Variants in ARHGAP15 observed in about 807,000 individuals in gnomAD.
ARHGAP15 encodes Rho GTPase activating protein 15, also known as rho GTPase-activating protein 15.
ARHGAP15 carries 51 observed loss-of-function variants against 63.7 expected under a neutral mutation model. The observed-to-expected ratio is 0.80, with a 90% CI of 0.64 to 1.01. The LOEUF (loss-of-function observed/expected upper bound fraction) is 1.01, where lower values mean the gene tolerates loss of function less well. Ranked by LOEUF, ARHGAP15 falls within the 50% of genes least tolerant of loss-of-function variation. The probability of loss-of-function intolerance (pLI) is 0.00; values close to 1 mark genes in which losing one functional copy is unlikely to be tolerated. For missense variants in ARHGAP15, 560 were observed against 564.6 expected (o/e 0.99, Z 0.08); for synonymous variants, 191 against 193.8 (o/e 0.99, Z 0.12).
chr2:143,517,090 A>G (rs1693857652), intron 9 of ARHGAP15, among the ~76,000 whole-genome samples: 1 of 152,114 alleles, frequency 6.6e-6, no homozygotes, highest in Non-Finnish European at 1.5e-5. Flanking sequence ...CTGGGACTAC[A>G]GGCACGCGCC....
At chr2:143,622,667 G>A (rs1202418338) in intron 11 of ARHGAP15, among the ~76,000 whole-genome samples, 5 of 151,612 alleles carry the variant, frequency 3.3e-5, no homozygotes, top group African/African-American at 1.2e-4. Flanking sequence ...GACTGAAAGG[G>A]AAGATTAGCC....
intron 6 of ARHGAP15, among the ~76,000 whole-genome samples, chr2:143,383,345 G>A (rs1352524007): frequency 6.6e-6 from 1 of 152,036 alleles, no homozygotes; most frequent in African/African-American, 2.4e-5. Context: ...ACTTATATAA[G>A]GTTAGCAAGG....
chr2:143,228,734 T>C, intron 5 of ARHGAP15, 66 bp downstream of exon 5: 1 of 1,265,068 alleles, frequency 7.9e-7, no homozygotes, highest in Non-Finnish European at 1.1e-6. Context: ...AAAAGTTTGG[T>C]TTTATCAGAA....
At chr2:143,542,580 A>T (rs1695120462) in intron 10 of ARHGAP15, among the ~76,000 whole-genome samples, 1 of 147,800 alleles carries the variant, frequency 6.8e-6, no homozygotes, top group Admixed American at 6.9e-5. Flanking sequence ...GTGTGTGCAC[A>T]TATATATCAT....
At chr2:143,500,957 A>G (rs1321391235) in intron 9 of ARHGAP15, among the ~76,000 whole-genome samples, 1 of 152,196 alleles carries the variant, frequency 6.6e-6, no homozygotes, top group Non-Finnish European at 1.5e-5. Flanking sequence ...CAAATAAAAC[A>G]TATGTGAGGG....
At chr2:143,747,455 G>C (rs1216610056) in intron 13 of ARHGAP15, among the ~76,000 whole-genome samples, 1 of 152,140 alleles carries the variant, frequency 6.6e-6, no homozygotes, top group Non-Finnish European at 1.5e-5. Flanking sequence ...TGACCAATGT[G>C]TAATGACATG....
In ARHGAP15 at chr2:143,276,438, T is replaced by G. The variant is rs191968768; in HGVS notation, c.474+25838T>G. Among the ~76,000 whole-genome samples the G allele has an allele frequency of 1.6e-3, 242 of 152,364 alleles. 1 individual carries two copies. The highest frequency in any genetic ancestry group is 4.9e-3 in the African/African-American group (204 of 41,582). ...GGTTTAAACACAGAGGTGGGTTGCC[T>G]GTAGTGCCTGCATTGCTAATGTTTA... On this transcript the variant is annotated intron_variant, in intron 6 of 13. Transcript: ENST00000295095.
chr2:143,630,575 T>A (rs1367678086), intron 12 of ARHGAP15, among the ~76,000 whole-genome samples: 1 of 152,120 alleles, frequency 6.6e-6, no homozygotes, highest in African/African-American at 2.4e-5. Flanking sequence ...ACTTTTGATT[T>A]ATCAACTATG....
intron 6 of ARHGAP15, among the ~76,000 whole-genome samples, chr2:143,363,118 A>G (rs1053683207): frequency 1.3e-5 from 2 of 152,186 alleles, no homozygotes; most frequent in African/African-American, 2.4e-5. Flanking sequence ...CTCCTCCAAC[A>G]TTCTAGCTCC....
At chr2:143,729,322 G>T (rs554666746) in intron 13 of ARHGAP15, among the ~76,000 whole-genome samples, 1 of 152,216 alleles carries the variant, frequency 6.6e-6, no homozygotes, top group East Asian at 1.9e-4. Context: ...AATCAATCAG[G>T]CTCTGCTTGT....
At chr2:143,765,811 G>A (rs1686929236) in intron 13 of ARHGAP15, among the ~76,000 whole-genome samples, 1 of 152,074 alleles carries the variant, frequency 6.6e-6, no homozygotes, top group South Asian at 2.1e-4. Context: ...GGCAGTCTGG[G>A]TCAGTGTCAG....
At chr2:143,411,624 G>A (rs938563951) in intron 6 of ARHGAP15, among the ~76,000 whole-genome samples, 1 of 152,046 alleles carries the variant, frequency 6.6e-6, no homozygotes, top group African/African-American at 2.4e-5. Flanking sequence ...AATAACTTTT[G>A]AATAAATTGA....
chr2:143,239,630 G>A (rs554631591), intron 5 of ARHGAP15, among the ~76,000 whole-genome samples: 1 of 152,218 alleles, frequency 6.6e-6, no homozygotes, highest in African/African-American at 2.4e-5. Flanking sequence ...AACATAAAAG[G>A]CCTCATTAAA....
At chr2:143,486,738 G>T (rs900669795) in intron 8 of ARHGAP15, among the ~76,000 whole-genome samples, 18 of 152,160 alleles carry the variant, frequency 1.2e-4, no homozygotes, top group Admixed American at 6.5e-4. Flanking sequence ...ACACACACCT[G>T]ACTTTGAAGA....
At chr2:143,313,467 T>C (rs1159206363) in intron 6 of ARHGAP15, among the ~76,000 whole-genome samples, 1 of 152,162 alleles carries the variant, frequency 6.6e-6, no homozygotes, top group East Asian at 1.9e-4. Flanking sequence ...CATGGTCATT[T>C]CCCCTGTGTC....
chr2:143,415,324 T>C (rs1209945758), intron 6 of ARHGAP15, among the ~76,000 whole-genome samples: 1 of 151,970 alleles, frequency 6.6e-6, no homozygotes, highest in African/African-American at 2.4e-5. Flanking sequence ...AACCATAAAA[T>C]TTAAAACCTC....
chr2:143,489,519 T>TTCCTTTTAC (rs1692482205), intron 9 of ARHGAP15, among the ~76,000 whole-genome samples: 1 of 152,240 alleles, frequency 6.6e-6, no homozygotes, highest in Admixed American at 6.5e-5. Flanking sequence ...TGAACTTTTT[T>TTCCTTTTAC]TAAGGCTTTT....
chr2:143,283,331 C>T (rs1681946728), intron 6 of ARHGAP15, among the ~76,000 whole-genome samples: 1 of 152,150 alleles, frequency 6.6e-6, no homozygotes, highest in African/African-American at 2.4e-5. Context: ...GTAAGGAACT[C>T]TCTCCTCATC....
chr2:143,639,007 A>G (rs1485558601), intron 12 of ARHGAP15, among the ~76,000 whole-genome samples: 1 of 152,154 alleles, frequency 6.6e-6, no homozygotes, highest in Admixed American at 6.6e-5. Context: ...AATATTAAGT[A>G]GCCTTCCTAA....
Sources: allele counts gnomAD v4.1 joint callset (sites outside exome capture counted in the v4.1 genomes callset), GRCh38; gene constraint gnomAD v4.1.1; transcripts MANE v1.5; gene names NCBI Gene and HGNC (gene_info 2026-07-23, HGNC 2026-07-21).